WDFY4: variants seen among roughly 807,000 people sequenced by gnomAD.
The protein encoded by WDFY4 is WDFY family member 4, also known as WD repeat- and FYVE domain-containing protein 4.
A neutral mutation model predicts 351.9 loss-of-function variants in WDFY4; 169 were observed. That is an observed-to-expected ratio of 0.48 (90% CI 0.42 to 0.55). The LOEUF is 0.55. Ranked by LOEUF, WDFY4 falls within the 20% of genes least tolerant of loss-of-function variation. WDFY4 has a pLI of 0.00. For synonymous variants in WDFY4, 1,622 were observed against 1,574.6 expected (o/e 1.03, Z -0.71); for missense variants, 3,803 against 3,935.6 (o/e 0.97, Z 0.90).
At chr10:48,818,975 G>A (rs549746182) in intron 32 of WDFY4, among the ~76,000 whole-genome samples, 27 of 152,284 alleles carry the variant, frequency 1.8e-4, no homozygotes, top group Non-Finnish European at 3.1e-4. Flanking sequence ...GGGGTCCAGC[G>A]GCCTAACATT....
At chr10:48,934,067 G>A (rs1173435653) in intron 47 of WDFY4, among the ~76,000 whole-genome samples, 1 of 152,144 alleles carries the variant, frequency 6.6e-6, no homozygotes, top group Non-Finnish European at 1.5e-5. Context: ...AAACCCAGAA[G>A]GCATGTGATC....
chr10:48,848,154 C>T (rs879558965), intron 39 of WDFY4, among the ~76,000 whole-genome samples: 1 of 152,154 alleles, frequency 6.6e-6, no homozygotes, highest in Non-Finnish European at 1.5e-5. Context: ...TGCTGTGGAG[C>T]CCAGGCTGTC....
chr10:48,962,911 C>G (rs549355663), intron 53 of WDFY4, among the ~76,000 whole-genome samples: 83 of 152,280 alleles, frequency 5.5e-4, no homozygotes, highest in African/African-American at 1.6e-3. Context: ...ACAGCTGCCC[C>G]AGTGAAGGAA....
chr10:48,763,493 T>C (rs1157616823), intron 13 of WDFY4, among the ~76,000 whole-genome samples: 2 of 152,230 alleles, frequency 1.3e-5, no homozygotes, highest in East Asian at 1.9e-4. Flanking sequence ...CTGGGTGGTC[T>C]TAGCAGTCAA....
chr10:48,970,023 C>A, intron 56 of WDFY4, 108 bp from the exon 57 acceptor site: 1 of 1,334,908 alleles, frequency 7.5e-7, no homozygotes, highest in Non-Finnish European at 1.0e-6. Context: ...CATGGCATGT[C>A]CCCAGTTCCC....
At position 48,974,950 on chromosome 10, in the gene WDFY4, G is replaced by A; in HGVS notation, c.9017G>A (p.Cys3006Tyr). ...LLVSGSQDCT[C>Y]ILWDLDHLTH... ...GTGAGCGGCTCCCAGGACTGCACCT[G>A]TATCCTGTGGGATCTGGACCACCTC... The change falls in exon 58 of 62, where the codon TGT becomes TAT. Residue 3006 changes from cysteine to tyrosine, a missense_variant. By Grantham distance (194) the Cys-to-Tyr change is radical. Around this residue, in one of 3 missense-constraint regions of WDFY4, gnomAD observed 3,054 missense variants for 3,148.6 expected, o/e 0.97. Coordinates refer to ENST00000325239, the MANE Select transcript of WDFY4 (RefSeq NM_001394531.1). The A allele has an allele frequency of 6.4e-7, 1 of 1,551,648 alleles. No homozygotes were observed. Among genetic ancestry groups the A allele is most frequent in the Non-Finnish European group, 8.7e-7 (1 of 1,146,994 alleles).
intron 1 of WDFY4, among the ~76,000 whole-genome samples, chr10:48,700,522 G>A (rs1270387043): frequency 2.0e-5 from 3 of 152,230 alleles, no homozygotes; most frequent in Non-Finnish European, 4.4e-5. Context: ...TGTAATTGGC[G>A]TCCCATAATC....
chr10:48,878,700 C>T (rs2070127322), intron 43 of WDFY4: 1 of 152,768 alleles, frequency 6.5e-6, no homozygotes, highest in Non-Finnish European at 1.5e-5. Flanking sequence ...GCTCTGAGAC[C>T]TGGAGAACTG....
Position 48,761,462 on chromosome 10 carries a change from A to T in WDFY4, c.2553+1022A>T, listed in dbSNP as rs2065503884. ...CCATGTGATGTGTGGTGATAGCTGG[A>T]TTAGGGTGGTGTCTGTGAGAAGGTG... On this transcript the variant is annotated intron_variant, in intron 13 of 61. Transcript: ENST00000325239. Among the ~76,000 whole-genome samples the T allele has an allele frequency of 3.3e-5, 5 of 152,156 alleles. No individual in the cohort carries two copies. The South Asian group carries it at 1.0e-3, about 32-fold the overall frequency.
At chr10:48,968,986 G>A in intron 55 of WDFY4, 78 bp from the exon 56 acceptor site, 2 of 1,445,420 alleles carry the variant, frequency 1.4e-6, no homozygotes, top group East Asian at 2.5e-5. Context: ...GTGTCTGCCT[G>A]TGACTCCTGC....
At chr10:48,913,983 C>T in intron 47 of WDFY4, 2 of 1,614,186 alleles carry the variant, frequency 1.2e-6, no homozygotes, top group Non-Finnish European at 8.5e-7. Context: ...AAGATTCCGG[C>T]TAAGGTCCAG....
chr10:48,757,961 C>G (rs1301985073), intron 12 of WDFY4, among the ~76,000 whole-genome samples: 1 of 152,012 alleles, frequency 6.6e-6, no homozygotes, highest in Non-Finnish European at 1.5e-5. Context: ...AACCATCATA[C>G]CTAAATTTAA....
Position 48,731,647 on chromosome 10 carries a change from T to C in WDFY4, c.1582+85T>C, listed in dbSNP as rs192328244. 4.2e-3 allele frequency: 5,961 copies of C among 1,425,532 alleles called. 18 individuals carry two copies. Among genetic ancestry groups the C allele is most frequent in the Non-Finnish European group, 4.5e-3 (4,795 of 1,072,414 alleles). The allele number at this position is 1,425,532 out of a possible 1,614,324, so 88.3% of individuals were successfully genotyped here. ...TGGGCCAATCTGGCTGCCCATCAAA[T>C]GCAACAGAAAGTGAGCATGCCCATG... On this transcript the variant is annotated intron_variant, in intron 9 of 61. Transcript: ENST00000325239.
chr10:48,804,653 C>G (rs2067195217), intron 25 of WDFY4: 2 of 940,302 alleles, frequency 2.1e-6, no homozygotes. Context: ...TTTTCTCTTC[C>G]ACTTTCCACT....
chr10:48,978,497 C>A (rs2131878465), intron 60 of WDFY4, 104 bp downstream of exon 60: 1 of 1,154,878 alleles, frequency 8.7e-7, no homozygotes, highest in Non-Finnish European at 1.2e-6. Flanking sequence ...CCAGGTCTGC[C>A]CAGCCTAGGG....
chr10:48,863,965 C>A (rs1042686214), intron 39 of WDFY4, among the ~76,000 whole-genome samples: 10 of 152,224 alleles, frequency 6.6e-5, no homozygotes, highest in South Asian at 4.1e-4. Flanking sequence ...CTCACTATCA[C>A]AAGAACAGCA....
At chr10:48,778,114 T>C (rs2066094908) in intron 17 of WDFY4, among the ~76,000 whole-genome samples, 1 of 152,218 alleles carries the variant, frequency 6.6e-6, no homozygotes, top group Non-Finnish European at 1.5e-5. Flanking sequence ...CCACACGCTC[T>C]GTTAGGAGAA....
At chr10:48,951,877 G>A (rs1042321038) in intron 51 of WDFY4, among the ~76,000 whole-genome samples, 12 of 152,102 alleles carry the variant, frequency 7.9e-5, no homozygotes, top group African/African-American at 1.4e-4. Context: ...GGCAGCCGGC[G>A]CCCACCAAAG....
At chr10:48,841,922 A>G (rs2068620955) in intron 39 of WDFY4, among the ~76,000 whole-genome samples, 1 of 152,140 alleles carries the variant, frequency 6.6e-6, no homozygotes, top group South Asian at 2.1e-4. Context: ...CTGAATGCCT[A>G]TCTTTTAATA....
Sources: gnomAD v4.1 joint callset for allele counts (sites outside exome capture counted in the v4.1 genomes callset) on GRCh38, gnomAD v4.1.1 for gene constraint, gnomAD v4.1.1 regional missense constraint, MANE v1.5 for transcripts, NCBI Gene and HGNC (gene_info 2026-07-23, HGNC 2026-07-21) for gene names.